Variants in VEGFC observed in about 807,000 individuals in gnomAD.
VEGFC encodes FLT4 ligand DHM.
Under a neutral mutation model 46.1 loss-of-function variants are expected in VEGFC, and 12 were observed. The observed-to-expected ratio is 0.26, with a 90% CI of 0.17 to 0.42. The LOEUF (loss-of-function observed/expected upper bound fraction) is 0.42, where lower values mean the gene tolerates loss of function less well. Ranked by LOEUF, VEGFC falls within the 10% of genes least tolerant of loss-of-function variation. VEGFC has a pLI of 1.00. For synonymous variants in VEGFC, 232 were observed against 195.5 expected (o/e 1.19, Z -1.56); for missense variants, 488 against 529.4 (o/e 0.92, Z 0.77).
chr4:176,722,715 G>T (rs746240634), intron 3 of VEGFC, among the ~76,000 whole-genome samples: 1 of 151,938 alleles, frequency 6.6e-6, no homozygotes, highest in African/African-American at 2.4e-5. Flanking sequence ...GCCCAGGCTG[G>T]TCTCCAATTC....
intron 4 of VEGFC, among the ~76,000 whole-genome samples, chr4:176,707,559 T>C (rs555863313): frequency 1.3e-5 from 2 of 152,180 alleles, no homozygotes; most frequent in South Asian, 4.1e-4. Context: ...AAGGCAAATA[T>C]TCATAAAGGG....
intron 1 of VEGFC, among the ~76,000 whole-genome samples, chr4:176,782,562 G>A (rs75183393): frequency 0.057 from 8,691 of 151,992 alleles, 335 homozygotes; most frequent in Non-Finnish European, 0.091. Context: ...ACATTAAAAT[G>A]TTAATTTGAA....
intron 1 of VEGFC, among the ~76,000 whole-genome samples, chr4:176,759,049 A>G (rs2110906987): frequency 6.6e-6 from 1 of 152,316 alleles, no homozygotes; most frequent in Non-Finnish European, 1.5e-5. Context: ...CATTGAAAAG[A>G]CTGAGACTTT....
At chr4:176,685,887 A>AGCTACTGGATAAAAGCTAATTTGGTG in intron 6 of VEGFC, among the ~76,000 whole-genome samples, 1 of 152,330 alleles carries the variant, frequency 6.6e-6, no homozygotes, top group East Asian at 1.9e-4. Flanking sequence ...CTAAAATATT[A>AGCTACTGGATAAAAGCTAATTTGGTG]GTTTAGGAAA....
chr4:176,716,613 GAA>G (rs1040737745), intron 3 of VEGFC, among the ~76,000 whole-genome samples: 1 of 120,736 alleles, frequency 8.3e-6, no homozygotes, highest in Non-Finnish European at 1.8e-5. Context: ...AAAAGAAAAA[GAA>G]AAAAAAAGAG....
At chr4:176,748,628 A>C (rs1209700953) in intron 1 of VEGFC, among the ~76,000 whole-genome samples, 2 of 152,022 alleles carry the variant, frequency 1.3e-5, no homozygotes, top group Non-Finnish European at 2.9e-5. Context: ...TGCACTTTTT[A>C]CAATTAAGAC....
intron 4 of VEGFC, among the ~76,000 whole-genome samples, chr4:176,704,311 T>C (rs878923149): frequency 4.6e-5 from 7 of 152,198 alleles, no homozygotes; most frequent in Admixed American, 4.6e-4. Context: ...ATATTTCTTT[T>C]GGTTGAGGTC....
At chr4:176,686,754 C>T (rs1207743425) in intron 6 of VEGFC, among the ~76,000 whole-genome samples, 1 of 152,024 alleles carries the variant, frequency 6.6e-6, no homozygotes, top group Non-Finnish European at 1.5e-5. Flanking sequence ...AAATACTTAG[C>T]TATGTATTTT....
intron 1 of VEGFC, among the ~76,000 whole-genome samples, chr4:176,733,977 G>T (rs1735008779): frequency 6.6e-6 from 1 of 151,816 alleles, no homozygotes; most frequent in East Asian, 1.9e-4. Flanking sequence ...AGGATTTTAT[G>T]AAATTTCTTT....
chr4:176,761,082 T>C (rs541721204), intron 1 of VEGFC, among the ~76,000 whole-genome samples: 1 of 152,340 alleles, frequency 6.6e-6, no homozygotes, highest in African/African-American at 2.4e-5. Flanking sequence ...ATTGATTTAA[T>C]AAAAGCAAGT....
intron 4 of VEGFC, among the ~76,000 whole-genome samples, chr4:176,698,788 A>G (rs188083415): frequency 1.1e-4 from 16 of 152,232 alleles, no homozygotes; most frequent in Non-Finnish European, 1.9e-4. Context: ...TAGATTCCAT[A>G]TATAAGGGAG....
At chr4:176,699,232 G>T (rs1264333432) in intron 4 of VEGFC, among the ~76,000 whole-genome samples, 2 of 152,118 alleles carry the variant, frequency 1.3e-5, no homozygotes, top group African/African-American at 4.8e-5. Context: ...TGTTCAATGG[G>T]AAGTGTGAGC....
intron 1 of VEGFC, among the ~76,000 whole-genome samples, chr4:176,785,557 A>C (rs1735988666): frequency 6.6e-6 from 1 of 151,496 alleles, no homozygotes; most frequent in African/African-American, 2.4e-5. Context: ...TCACATCCCC[A>C]CTCCCACCTT....
intron 3 of VEGFC, among the ~76,000 whole-genome samples, chr4:176,713,217 C>T (rs1043224830): frequency 6.6e-6 from 1 of 152,130 alleles, no homozygotes; most frequent in Non-Finnish European, 1.5e-5. Context: ...TCAACATATG[C>T]CACTATTATG....
intron 4 of VEGFC, chr4:176,706,080 G>A (rs1386634214): frequency 6.6e-6 from 1 of 152,192 alleles, no homozygotes; most frequent in Non-Finnish European, 1.5e-5. Context: ...ATGAGACAAT[G>A]TGTGGCAGAT....
At chr4:176,691,383 A>G (rs1350344033) in intron 4 of VEGFC, among the ~76,000 whole-genome samples, 2 of 152,232 alleles carry the variant, frequency 1.3e-5, no homozygotes, top group African/African-American at 2.4e-5. Context: ...AAAGCAAAGC[A>G]GGGAATTGCA....
chr4:176,710,872 C>CA (rs895525669), intron 4 of VEGFC, among the ~76,000 whole-genome samples: 3 of 151,684 alleles, frequency 2.0e-5, no homozygotes, highest in African/African-American at 4.8e-5. Flanking sequence ...TTTGCCCCTC[C>CA]AAAAAAATAG....
intron 1 of VEGFC, among the ~76,000 whole-genome samples, chr4:176,747,582 A>G (rs894648905): frequency 6.6e-6 from 1 of 152,020 alleles, no homozygotes; most frequent in Non-Finnish European, 1.5e-5. Flanking sequence ...GCTTGAGCCT[A>G]GGAGTTCAAG....
At chr4:176,692,310 C>G (rs1329099970) in intron 4 of VEGFC, among the ~76,000 whole-genome samples, 3 of 133,812 alleles carry the variant, frequency 2.2e-5, no homozygotes, top group East Asian at 2.0e-4. Flanking sequence ...AGGAGAATGG[C>G]GTGAACCCGG....
Sources: allele counts gnomAD v4.1 joint callset (sites outside exome capture counted in the v4.1 genomes callset), GRCh38; gene constraint gnomAD v4.1.1; transcripts MANE v1.5; gene names NCBI Gene and HGNC (gene_info 2026-07-23, HGNC 2026-07-21).